Variants in TENM2 observed in about 807,000 individuals in gnomAD.
TENM2 encodes teneurin transmembrane protein 2.
Under a neutral mutation model 245.2 loss-of-function variants are expected in TENM2, and 52 were observed. The observed-to-expected ratio is 0.21, with a 90% CI of 0.17 to 0.27. The LOEUF is 0.27. TENM2 is among the 10% of genes least tolerant of loss of function. The pLI is 1.00. For missense variants in TENM2, 3,046 were observed against 3,666.8 expected, an observed-to-expected ratio of 0.83 and a Z score of 4.37; for synonymous variants, 1,363 against 1,438.9, an observed-to-expected ratio of 0.95 and a Z score of 1.19.
intron 2 of TENM2, among the ~76,000 whole-genome samples, chr5:167,397,557 C>G (rs1366391200): frequency 6.6e-6 from 1 of 152,036 alleles, no homozygotes; most frequent in Non-Finnish European, 1.5e-5. Context: ...GAAGAGATAA[C>G]AATTTTCTTA....
At chr5:167,208,719 A>C in the TENM2 span, among the ~76,000 whole-genome samples, 2 of 152,312 alleles carry the variant, frequency 1.3e-5, no homozygotes, top group Non-Finnish European at 2.9e-5. Flanking sequence ...CATTTAAGCT[A>C]AATTGATGGA....
intron 2 of TENM2, among the ~76,000 whole-genome samples, chr5:167,866,626 G>A (rs1195955858): frequency 6.6e-6 from 1 of 152,188 alleles, no homozygotes; most frequent in East Asian, 1.9e-4. Context: ...GCATAGGGAA[G>A]GAGGGAGTCT....
intron 2 of TENM2, among the ~76,000 whole-genome samples, chr5:167,427,343 C>G (rs1763893986): frequency 6.6e-6 from 1 of 152,048 alleles, no homozygotes; most frequent in Non-Finnish European, 1.5e-5. Flanking sequence ...ATCCCAGCTA[C>G]TTGGGAGGCT....
At chr5:167,474,333 A>G (rs1053550120) in intron 2 of TENM2, among the ~76,000 whole-genome samples, 1 of 152,174 alleles carries the variant, frequency 6.6e-6, no homozygotes, top group Non-Finnish European at 1.5e-5. Flanking sequence ...ATAGGTGTTC[A>G]GAGCTTTCAT....
intron 2 of TENM2, among the ~76,000 whole-genome samples, chr5:167,512,779 A>G (rs67720183): frequency 0.095 from 14,457 of 152,182 alleles, 764 homozygotes; most frequent in South Asian, 0.22. Context: ...AATTTTTCCT[A>G]TGTCTGAGCC....
At chr5:167,641,789 A>G (rs1480179665) in intron 2 of TENM2, among the ~76,000 whole-genome samples, 1 of 152,144 alleles carries the variant, frequency 6.6e-6, no homozygotes, top group Non-Finnish European at 1.5e-5. Context: ...GAATTGTTGC[A>G]AAGACTAAAT....
chr5:168,200,538 G>A (rs1007151891), intron 17 of TENM2, among the ~76,000 whole-genome samples: 1 of 152,166 alleles, frequency 6.6e-6, no homozygotes. Flanking sequence ...GACAGACAGA[G>A]AGAAGGCCAG....
Position 168,190,448 on chromosome 5 carries a change from C to T in TENM2, c.2681C>T (p.Thr894Met), listed in dbSNP as rs201157994. ...CTGGACATCATTCAGCAGGGCCAGACGGATTGGCCCGCAGTGAAGTCCTTC... is the reference window on the plus strand; with the variant it reads ...CTGGACATCATTCAGCAGGGCCAGATGGATTGGCCCGCAGTGAAGTCCTTC... The change falls in exon 14 of 29, where the codon ACG becomes ATG. Residue 894 changes from threonine (T) to methionine (M), a missense_variant. Physicochemically the swap from Thr to Met is moderately conservative, Grantham distance 81. Around this residue, in one of 2 missense-constraint regions of TENM2, gnomAD observed 2,704 missense variants for 3,331.9 expected, o/e 0.81. Transcript: ENST00000518659. 1,716 of 1,613,964 alleles carry T rather than the reference C, an allele frequency of 1.1e-3. 2 individuals carry two copies. The highest frequency in any genetic ancestry group is 1.1e-3 in the Admixed American group (68 of 60,024).
At chr5:168,011,256 C>T (rs1034628789) in intron 5 of TENM2, among the ~76,000 whole-genome samples, 1 of 152,222 alleles carries the variant, frequency 6.6e-6, no homozygotes, top group Non-Finnish European at 1.5e-5. Flanking sequence ...TCCAGTGAGA[C>T]TCACCCAGCA....
chr5:167,809,807 T>G (rs143124286), intron 2 of TENM2, among the ~76,000 whole-genome samples: 4 of 152,082 alleles, frequency 2.6e-5, no homozygotes, highest in Non-Finnish European at 5.9e-5. Context: ...ATATGTAGTT[T>G]GGGGAATTAA....
chr5:167,076,196 A>G, the TENM2 span, among the ~76,000 whole-genome samples: 1 of 152,308 alleles, frequency 6.6e-6, no homozygotes, highest in South Asian at 2.1e-4. Context: ...GGATTCAGAG[A>G]AAACACTAGG....
chr5:168,079,018 A>G (rs1791733914), intron 7 of TENM2, among the ~76,000 whole-genome samples: 1 of 151,966 alleles, frequency 6.6e-6, no homozygotes, highest in Non-Finnish European at 1.5e-5. Context: ...AATTACCTTC[A>G]GCAGTATGGC....
chr5:168,017,623 A>C (rs1172064148), intron 5 of TENM2, among the ~76,000 whole-genome samples: 2 of 152,182 alleles, frequency 1.3e-5, no homozygotes, highest in Admixed American at 1.3e-4. Context: ...AAGAAGTATT[A>C]CAAGGAAAGC....
intron 1 of TENM2, among the ~76,000 whole-genome samples, chr5:167,333,696 T>A (rs994581214): frequency 1.3e-5 from 2 of 152,106 alleles, no homozygotes; most frequent in African/African-American, 4.8e-5. Context: ...TCTTGTCCCT[T>A]TGCTCCAGGG....
chr5:167,457,538 G>A (rs1561972310), intron 2 of TENM2, among the ~76,000 whole-genome samples: 1 of 151,786 alleles, frequency 6.6e-6, no homozygotes, highest in African/African-American at 2.4e-5. Context: ...GTAGAGATGG[G>A]GTTTCTCCAT....
chr5:167,190,365 C>T, the TENM2 span, among the ~76,000 whole-genome samples: 2 of 152,090 alleles, frequency 1.3e-5, no homozygotes, highest in East Asian at 3.9e-4. Flanking sequence ...CTCTACCTCT[C>T]TATGAAGCTT....
chr5:168,142,044 C>T (rs879905520), intron 12 of TENM2, among the ~76,000 whole-genome samples: 12 of 152,286 alleles, frequency 7.9e-5, no homozygotes, highest in South Asian at 2.1e-4. Flanking sequence ...CCAGTAAAAC[C>T]GAAAGAGTTC....
the TENM2 span, among the ~76,000 whole-genome samples, chr5:167,114,198 T>C: frequency 6.6e-6 from 1 of 152,236 alleles, no homozygotes; most frequent in African/African-American, 2.4e-5. Flanking sequence ...TTCATCCACA[T>C]TGAGAAATCG....
chr5:167,619,713 A>G (rs993205742), intron 2 of TENM2, among the ~76,000 whole-genome samples: 3 of 152,142 alleles, frequency 2.0e-5, no homozygotes, highest in African/African-American at 7.2e-5. Context: ...AATGCATGCA[A>G]TGTTTTTAAT....
Sources: allele counts gnomAD v4.1 joint callset (sites outside exome capture counted in the v4.1 genomes callset), GRCh38; gene constraint gnomAD v4.1.1; regional missense constraint gnomAD v4.1.1; transcripts MANE v1.5; gene names NCBI Gene and HGNC (gene_info 2026-07-23, HGNC 2026-07-21).